MS4A15: variants seen among roughly 807,000 people sequenced by gnomAD.
MS4A15 encodes the protein membrane-spanning 4-domains subfamily A member 15.
In MS4A15, 22 loss-of-function variants were observed where a neutral mutation model predicts 20.6. That is an observed-to-expected ratio of 1.07 (90% confidence interval 0.76 to 1.52). MS4A15 has a LOEUF of 1.52. Among genes scored for constraint, MS4A15 ranks in the 40% most tolerant of loss-of-function variants. MS4A15 has a pLI of 0.00. For synonymous variants in MS4A15, 129 were observed against 129.3 expected (o/e 1.00, Z 0.02); for missense variants, 312 against 323.0 (o/e 0.97, Z 0.26).
intron 3 of MS4A15, 116 bp from the exon 4 acceptor site, chr11:60,771,174 GA>G (rs1234844572): frequency 1.7e-6 from 2 of 1,177,112 alleles, no homozygotes; most frequent in African/African-American, 3.0e-5. Flanking sequence ...GCCTGGCAGA[GA>G]AAGTGGCATC....
intron 3 of MS4A15, among the ~76,000 whole-genome samples, chr11:60,768,160 T>C (rs1853930728): frequency 6.6e-6 from 1 of 152,012 alleles, no homozygotes; most frequent in Non-Finnish European, 1.5e-5. Flanking sequence ...GCCACTGCAC[T>C]CCAGCCTGGG....
intron 3 of MS4A15, among the ~76,000 whole-genome samples, chr11:60,770,322 G>A (rs757209653): frequency 3.3e-5 from 5 of 152,224 alleles, no homozygotes; most frequent in East Asian, 1.9e-4. Flanking sequence ...AGTTCCGGCC[G>A]GGCACGGTGG....
At chr11:60,767,454 C>A in intron 2 of MS4A15, 79 bp from the exon 3 acceptor site, 1 of 1,399,014 alleles carries the variant, frequency 7.1e-7, no homozygotes, top group South Asian at 1.6e-5. Context: ...GAGGGCGGGG[C>A]CAGCCACGCT....
intron 3 of MS4A15, among the ~76,000 whole-genome samples, chr11:60,770,752 C>T (rs142634951): frequency 0.011 from 1,721 of 151,654 alleles, 31 homozygotes; most frequent in African/African-American, 0.039. Flanking sequence ...GTCCCCCAGG[C>T]TGGAGTGCAG....
intron 1 of MS4A15, among the ~76,000 whole-genome samples, chr11:60,757,610 A>G (rs1461013031): frequency 6.6e-6 from 1 of 152,060 alleles, no homozygotes; most frequent in African/African-American, 2.4e-5. Context: ...TCCTCCCCCT[A>G]TAGAAAAGCC....
At position 60,763,801 on chromosome 11, in the gene MS4A15, G is replaced by A; in HGVS notation, c.68G>A (p.Cys23Tyr). The A allele has an allele frequency of 7.4e-6, 12 of 1,612,312 alleles. No homozygotes were observed. Among genetic ancestry groups the A allele is most frequent in the Non-Finnish European group, 8.5e-6 (10 of 1,179,810 alleles). The part of the protein sequence containing the change: ...VIPPNNASGL[C>Y]PPPAILPTSM... ...CCGCCAAACAACGCCAGTGGCCTCT[G>A]CCCACCTCCGGCCATTCTGCCCACA... Residue 23 changes from cysteine (C) to tyrosine (Y), a missense_variant, in exon 2 of 7, where the codon TGC becomes TAC. By Grantham distance (194) the Cys-to-Tyr change is radical. Coordinates refer to ENST00000405633, the MANE Select transcript of MS4A15 (RefSeq NM_001098835.2).
At chr11:60,763,577 C>G in intron 1 of MS4A15, 129 bp from the exon 2 acceptor site, 2 of 734,054 alleles carry the variant, frequency 2.7e-6, no homozygotes, top group South Asian at 3.7e-5. Context: ...GCTTCCCCAG[C>G]TTTGATGAGA....
chr11:60,771,495 G>A (rs1254784739), intron 4 of MS4A15, 148 bp downstream of exon 4: 1 of 1,539,246 alleles, frequency 6.5e-7, no homozygotes, highest in Non-Finnish European at 8.7e-7. Flanking sequence ...CACCACCCAG[G>A]CAGACCAGAC....
At chr11:60,771,263 C>A (rs772612470) in intron 3 of MS4A15, 28 bp from the exon 4 acceptor site, 4 of 1,612,506 alleles carry the variant, frequency 2.5e-6, no homozygotes, top group South Asian at 1.1e-5. Context: ...CTGGCTGAGG[C>A]CTCACCTGGT....
intron 1 of MS4A15, among the ~76,000 whole-genome samples, chr11:60,762,166 C>T (rs1384047324): frequency 6.6e-6 from 1 of 152,226 alleles, no homozygotes; most frequent in African/African-American, 2.4e-5. Context: ...CACACAGCTT[C>T]AGTGGTGAAC....
intron 3 of MS4A15, among the ~76,000 whole-genome samples, chr11:60,768,849 ACCGAGG>A (rs1341889822): frequency 6.6e-6 from 1 of 152,170 alleles, no homozygotes; most frequent in African/African-American, 2.4e-5. Context: ...TGGTTCCAGA[ACCGAGG>A]CACAGTGACT....
chr11:60,771,866 G>T, intron 4 of MS4A15: 3 of 861,110 alleles, frequency 3.5e-6, no homozygotes, highest in Non-Finnish European at 4.7e-6. Context: ...GGCGATGGAG[G>T]CTTTGAACAG....
intron 1 of MS4A15, among the ~76,000 whole-genome samples, chr11:60,758,861 G>T (rs1484467396): frequency 1.3e-5 from 2 of 152,194 alleles, no homozygotes; most frequent in Non-Finnish European, 2.9e-5. Flanking sequence ...CTACAGTGTG[G>T]CAATAGGCCA....
At chr11:60,757,669 C>T (rs1204192852) in intron 1 of MS4A15, among the ~76,000 whole-genome samples, 4 of 152,186 alleles carry the variant, frequency 2.6e-5, no homozygotes, top group South Asian at 4.1e-4. Flanking sequence ...TCGTTGGCCC[C>T]GTTCAGGCAA....
chr11:60,763,902 C>T lies in MS4A15; in HGVS notation c.169C>T (p.Pro57Ser). Residue 57 changes from proline (P) to serine (S), a missense_variant, in exon 2 of 7, where the codon CCA becomes TCA. Pro to Ser is a moderately conservative substitution (Grantham distance 74, BLOSUM62 -1). Coordinates refer to ENST00000405633, the MANE Select transcript of MS4A15 (RefSeq NM_001098835.2). ...LGAQTPRATQ[P>S]PDLRPVETFL... The stretch of plus-strand genomic sequence containing the variant: ...GGCACAGACACCAAGGGCCACACAG[C>T]CACCTGACTTGCGGCCCGTGGAGAC... 1.2e-6 allele frequency: 2 copies of T among 1,613,176 alleles called. No individual in the cohort carries two copies. The highest frequency in any genetic ancestry group is 2.2e-5 in the East Asian group (1 of 44,876).
rs1338932482 is a variant in MS4A15, at chr11:60,767,534, C to T, written c.227C>T (p.Thr76Met). The T allele has an allele frequency of 4.6e-6, 7 of 1,520,532 alleles. No individual in the cohort carries two copies. The highest frequency in any genetic ancestry group is 2.1e-5 in the Admixed American group (1 of 47,556). 94.2% of individuals were successfully genotyped at this position (1,520,532 alleles called of 1,614,324 possible). A position where few individuals can be genotyped will look rare whatever the true frequency, so the allele number is the denominator to read the frequency against. Residue 76 changes from threonine to methionine, a missense_variant and splice_region_variant, in exon 3 of 7, where the codon ACG (threonine) becomes ATG (methionine). Coordinates refer to ENST00000405633, the MANE Select transcript of MS4A15 (RefSeq NM_001098835.2). ...ACTGAGCCTCGGGGCTTCCCGCAGA[C>T]GGTGCAGATCCTCATCGGCCTCATC... is the stretch of plus-strand genomic sequence containing the variant. ...FLTGEPKVLG[T>M]VQILIGLIHL...
chr11:60,760,219 A>G (rs1853702649), intron 1 of MS4A15, among the ~76,000 whole-genome samples: 1 of 152,256 alleles, frequency 6.6e-6, no homozygotes, highest in Non-Finnish European at 1.5e-5. Context: ...TGTGGTTTGC[A>G]GACTCTCCTG....
intron 1 of MS4A15, 108 bp downstream of exon 1, chr11:60,757,166 T>A (rs1329551873): frequency 6.6e-6 from 1 of 152,186 alleles, no homozygotes; most frequent in Non-Finnish European, 1.5e-5. Flanking sequence ...AAGTGTTTTT[T>A]AAAAACAGTG....
At chr11:60,771,860 A>G (rs985749870) in intron 4 of MS4A15, 15 of 972,568 alleles carry the variant, frequency 1.5e-5, no homozygotes, top group Non-Finnish European at 2.7e-6. Flanking sequence ...CTGGGAGGCG[A>G]TGGAGGCTTT....
Sources: allele counts gnomAD v4.1 joint callset (sites outside exome capture counted in the v4.1 genomes callset), GRCh38; gene constraint gnomAD v4.1.1; transcripts MANE v1.5; gene names NCBI Gene and HGNC (gene_info 2026-07-23, HGNC 2026-07-21).